Variants in PTH2R observed in about 807,000 individuals in gnomAD.
PTH2R encodes parathyroid hormone 2 receptor.
Under a neutral mutation model 60.3 loss-of-function variants are expected in PTH2R, and 59 were observed. The ratio of observed to expected loss-of-function variants is 0.98; its 90% CI spans 0.79 to 1.22. The LOEUF is 1.22. PTH2R is among the 50% of genes most tolerant of loss of function. The probability of loss-of-function intolerance (pLI) is 0.00; values close to 1 mark genes in which losing one functional copy is unlikely to be tolerated. For synonymous variants in PTH2R, 256 were observed against 243.8 expected, an observed-to-expected ratio of 1.05 and a Z score of -0.47; for missense variants, 749 against 682.6, an observed-to-expected ratio of 1.10 and a Z score of -1.08.
At chr2:208,378,199 TG>T (rs1700844179) in intron 1 of PTH2R, among the ~76,000 whole-genome samples, 1 of 151,534 alleles carries the variant, frequency 6.6e-6, no homozygotes, top group Non-Finnish European at 1.5e-5. Flanking sequence ...AGCGAAACCC[TG>T]TCTCCACCAA....
At chr2:208,376,789 C>T (rs1700800036) in intron 1 of PTH2R, among the ~76,000 whole-genome samples, 1 of 152,004 alleles carries the variant, frequency 6.6e-6, no homozygotes, top group Non-Finnish European at 1.5e-5. Flanking sequence ...CACGTCACTC[C>T]CTCTTTTATC....
At position 208,428,245 on chromosome 2, in the gene PTH2R, T is replaced by C. The variant is rs1701897713; in HGVS notation, c.120T>C (p.Leu40=). The change falls in exon 2 of 13, where the codon CTT becomes CTC. Residue 40 remains leucine, a synonymous_variant. Transcript: ENST00000272847. ...GTITIEEQIV[L]VLKAKVQCEL... The stretch of plus-strand genomic sequence containing the variant: ...TTACTATAGAGGAGCAGATTGTCCT[T>C]GTGCTGAAAGCGAAAGTACAATGTG... The C allele has an allele frequency of 6.2e-7, 1 of 1,613,750 alleles. No homozygotes were observed. The highest frequency in any genetic ancestry group is 8.5e-7 in the Non-Finnish European group (1 of 1,179,848).
At chr2:208,395,513 G>A (rs180726805) in intron 1 of PTH2R, among the ~76,000 whole-genome samples, 37 of 152,322 alleles carry the variant, frequency 2.4e-4, no homozygotes, top group Non-Finnish European at 4.4e-4. Flanking sequence ...GGAAAGGGAA[G>A]AACTCTGTTC....
intron 12 of PTH2R, among the ~76,000 whole-genome samples, chr2:208,492,715 C>T (rs934582355): frequency 6.6e-6 from 1 of 152,050 alleles, no homozygotes. Flanking sequence ...GAGTCATGGG[C>T]CTATCATCAG....
chr2:208,437,650 A>G lies in PTH2R; in HGVS notation c.289+3A>G. The G allele has an allele frequency of 6.2e-7, 1 of 1,607,330 alleles. No individual in the cohort carries two copies. Among genetic ancestry groups the G allele is most frequent in the South Asian group, 1.1e-5 (1 of 89,650 alleles). On this transcript the variant is annotated splice_donor_region_variant and intron_variant, in intron 3 of 12. Coordinates refer to ENST00000272847, the MANE Select transcript of PTH2R (RefSeq NM_005048.4). ...TATTTATGACTTCAACCATAAAGGT[A>G]TTGAATTTTTCTAAAATGATTAATT...
intron 1 of PTH2R, among the ~76,000 whole-genome samples, chr2:208,413,358 T>C (rs1012623061): frequency 6.6e-6 from 1 of 152,168 alleles, no homozygotes; most frequent in African/African-American, 2.4e-5. Context: ...ATAGAAGTCA[T>C]GATTACAGAA....
chr2:208,434,312 AT>A (rs1702030832), intron 2 of PTH2R, among the ~76,000 whole-genome samples: 1 of 151,982 alleles, frequency 6.6e-6, no homozygotes, highest in Non-Finnish European at 1.5e-5. Context: ...AAAAAAAAAA[AT>A]CTCTATTTTC....
intron 1 of PTH2R, among the ~76,000 whole-genome samples, chr2:208,416,462 C>T (rs1040020059): frequency 6.6e-6 from 1 of 152,214 alleles, no homozygotes; most frequent in Non-Finnish European, 1.5e-5. Flanking sequence ...ATAGAAGCCG[C>T]ATACTTTGAC....
rs116024674 is a variant in PTH2R at position 208,488,826 on chromosome 2, G to C, written c.1077-186G>C. 6.7e-3 allele frequency among the ~76,000 whole-genome samples: 1,013 copies of C among 152,288 alleles called. 15 individuals carry two copies. The highest frequency in any genetic ancestry group is 0.023 in the African/African-American group (941 of 41,560). ...CAGGAGGTCGACACTGCAGTAAGCT[G>C]TGATCACGCCACTGTACGCCAGCCT... On this transcript the variant is annotated intron_variant, in intron 10 of 12. Coordinates refer to ENST00000272847, the MANE Select transcript of PTH2R (RefSeq NM_005048.4).
At chr2:208,417,240 C>T (rs951924257) in intron 1 of PTH2R, among the ~76,000 whole-genome samples, 11 of 152,066 alleles carry the variant, frequency 7.2e-5, no homozygotes, top group African/African-American at 2.4e-4. Context: ...TCTCGAAATG[C>T]ATTAAGGATC....
rs1559221972 is a variant in PTH2R, at chr2:208,443,537, TGTAA to T, written c.699+3_699+6del. The T allele has an allele frequency of 6.3e-7, 1 of 1,592,608 alleles. No individual in the cohort carries two copies. Among genetic ancestry groups the T allele is most frequent in the African/African-American group, 1.4e-5 (1 of 73,936 alleles). The stretch of plus-strand genomic sequence containing the variant: ...CAACTTCTGTGGACAAATCACAATA[TGTAA>T]GTGTTTTCACCATTTTCTCTCATTA... On this transcript the variant is annotated splice_donor_variant and splice_donor_region_variant and intron_variant, in intron 6 of 12. Coordinates refer to ENST00000272847, the MANE Select transcript of PTH2R (RefSeq NM_005048.4). LOFTEE classifies it high-confidence loss of function.
intron 9 of PTH2R, among the ~76,000 whole-genome samples, chr2:208,479,115 T>C (rs1480187999): frequency 6.6e-6 from 1 of 152,228 alleles, no homozygotes; most frequent in Non-Finnish European, 1.5e-5. Flanking sequence ...GGTCTTAATA[T>C]TTTAAAATTC....
intron 1 of PTH2R, chr2:208,360,709 GC>G (rs1474673762): frequency 6.5e-6 from 1 of 153,070 alleles, no homozygotes; most frequent in Non-Finnish European, 1.5e-5. Context: ...GGGTTGCAAG[GC>G]CCTCCTCTTG....
intron 9 of PTH2R, among the ~76,000 whole-genome samples, chr2:208,462,927 G>T (rs1219038266): frequency 2.0e-5 from 3 of 152,214 alleles, no homozygotes; most frequent in African/African-American, 4.8e-5. Context: ...TGCAAGGGAT[G>T]ACAACCAAAG....
chr2:208,390,799 A>G (rs1415262323), intron 1 of PTH2R, among the ~76,000 whole-genome samples: 2 of 152,240 alleles, frequency 1.3e-5, no homozygotes, highest in Non-Finnish European at 2.9e-5. Flanking sequence ...AAGAAGTTTT[A>G]ATATTTGGCT....
At chr2:208,450,721 TAG>T (rs745392421) in intron 7 of PTH2R, 26 bp from the exon 8 acceptor site, 49,149 of 1,609,092 alleles carry the variant, frequency 0.031, 1,048 homozygotes, top group African/African-American at 0.11. Context: ...AAAATAAATC[TAG>T]TCTCTGAATC....
intron 4 of PTH2R, among the ~76,000 whole-genome samples, 157 bp from the exon 5 acceptor site, chr2:208,442,207 T>G (rs1702198815): frequency 1.3e-5 from 2 of 152,178 alleles, no homozygotes; most frequent in South Asian, 4.1e-4. Context: ...CCTATCAAAA[T>G]GCTCACTCCA....
chr2:208,360,756 G>T, intron 1 of PTH2R: 1 of 154,018 alleles, frequency 6.5e-6, no homozygotes, highest in South Asian at 1.9e-4. Flanking sequence ...TGTCGTGGCT[G>T]ACCCAGGCCG....
intron 1 of PTH2R, among the ~76,000 whole-genome samples, chr2:208,420,238 A>G (rs918241246): frequency 6.6e-6 from 1 of 152,104 alleles, no homozygotes; most frequent in Non-Finnish European, 1.5e-5. Context: ...ATACATATGT[A>G]ACAAACCTGC....
Sources: gnomAD v4.1 joint callset for allele counts (sites outside exome capture counted in the v4.1 genomes callset) on GRCh38, gnomAD v4.1.1 for gene constraint, MANE v1.5 for transcripts, NCBI Gene and HGNC (gene_info 2026-07-23, HGNC 2026-07-21) for gene names.